MTMR2: variants seen among roughly 807,000 people sequenced by gnomAD.
MTMR2 encodes the protein myotubularin related protein 2, also known as phosphatidylinositol-3,5-bisphosphate 3-phosphatase MTMR2.
Under a neutral mutation model 86.9 loss-of-function variants are expected in MTMR2, and 55 were observed. That is an observed-to-expected ratio of 0.63 (90% CI 0.51 to 0.79). The LOEUF (loss-of-function observed/expected upper bound fraction) is 0.79. MTMR2 is among the 30% of genes least tolerant of loss of function. The probability of loss-of-function intolerance (pLI) is 0.00; values close to 1 mark genes in which losing one functional copy is unlikely to be tolerated. For missense variants in MTMR2, 659 were observed against 772.3 expected (o/e 0.85, Z 1.74); for synonymous variants, 241 against 266.8 (o/e 0.90, Z 0.94).
chr11:95,839,367 C>CT (rs1161959596), intron 12 of MTMR2, among the ~76,000 whole-genome samples: 1 of 152,004 alleles, frequency 6.6e-6, no homozygotes, highest in African/African-American at 2.4e-5. Flanking sequence ...TTTTCACACT[C>CT]TTAACAGCCC....
chr11:95,865,823 G>A, intron 2 of MTMR2, 147 bp from the exon 3 acceptor site: 1 of 697,584 alleles, frequency 1.4e-6, no homozygotes, highest in African/African-American at 1.8e-5. Flanking sequence ...CTGTAGTGTT[G>A]GCATGTATAA....
chr11:95,881,410 A>T (rs57516817), intron 2 of MTMR2, among the ~76,000 whole-genome samples: 1 of 152,054 alleles, frequency 6.6e-6, no homozygotes, highest in East Asian at 1.9e-4. Context: ...AAACTTTTGA[A>T]TTTTTTTGGA....
intron 2 of MTMR2, among the ~76,000 whole-genome samples, chr11:95,868,295 A>C: frequency 7.6e-6 from 1 of 131,710 alleles, no homozygotes; most frequent in Admixed American, 7.6e-5. Flanking sequence ...AAAAAAAAAA[A>C]AAAAAAGAAA....
chr11:95,865,062 T>C (rs992989896), intron 3 of MTMR2, among the ~76,000 whole-genome samples: 1 of 152,144 alleles, frequency 6.6e-6, no homozygotes, highest in African/African-American at 2.4e-5. Context: ...TTCCAGTCCA[T>C]ATTATAAGTA....
intron 7 of MTMR2, among the ~76,000 whole-genome samples, chr11:95,854,230 T>C (rs921151334): frequency 5.3e-5 from 8 of 152,178 alleles, no homozygotes; most frequent in Non-Finnish European, 1.2e-4. Flanking sequence ...CTGACAATTA[T>C]TGATCTTTGG....
At chr11:95,836,385 A>G in intron 13 of MTMR2, 61 bp from the exon 14 acceptor site, 1 of 1,476,424 alleles carries the variant, frequency 6.8e-7, no homozygotes, top group Non-Finnish European at 9.4e-7. Flanking sequence ...ACTTTAGATG[A>G]AATTTGTGAA....
chr11:95,918,122 T>C (rs1275554518), intron 1 of MTMR2, among the ~76,000 whole-genome samples: 1 of 152,232 alleles, frequency 6.6e-6, no homozygotes, highest in Non-Finnish European at 1.5e-5. Context: ...AGTTTTACAG[T>C]ACTTCTAACA....
intron 1 of MTMR2, among the ~76,000 whole-genome samples, chr11:95,902,677 CT>C (rs1866115359): frequency 6.6e-6 from 1 of 152,094 alleles, no homozygotes; most frequent in Non-Finnish European, 1.5e-5. Flanking sequence ...CTTAAAGGGT[CT>C]TTTTACCTTT....
chr11:95,878,473 G>T (rs1249322866), intron 2 of MTMR2, among the ~76,000 whole-genome samples: 1 of 151,844 alleles, frequency 6.6e-6, no homozygotes, highest in Non-Finnish European at 1.5e-5. Context: ...TATCAGTATC[G>T]TTTCATCAGT....
chr11:95,913,801 C>A (rs1438807189), intron 1 of MTMR2, among the ~76,000 whole-genome samples: 1 of 151,882 alleles, frequency 6.6e-6, no homozygotes, highest in East Asian at 1.9e-4. Flanking sequence ...AGGAAGGCGG[C>A]TAACTAACTG....
chr11:95,862,861 G>A (rs1864477277), intron 3 of MTMR2, among the ~76,000 whole-genome samples: 2 of 152,022 alleles, frequency 1.3e-5, no homozygotes, highest in Non-Finnish European at 1.5e-5. Context: ...TAATACTTAT[G>A]GGGAAAATTT....
At chr11:95,891,805 C>T (rs969354891) in intron 1 of MTMR2, among the ~76,000 whole-genome samples, 1 of 151,430 alleles carries the variant, frequency 6.6e-6, no homozygotes, top group Non-Finnish European at 1.5e-5. Context: ...CTTGTGATTA[C>T]GGCAGAAACA....
intron 1 of MTMR2, among the ~76,000 whole-genome samples, chr11:95,911,545 C>T (rs564309037): frequency 1.2e-4 from 18 of 152,212 alleles, no homozygotes; most frequent in Admixed American, 3.3e-4. Context: ...CTCAGCACCC[C>T]GTTTAAGGAG....
chr11:95,878,865 T>G (rs866955902), intron 2 of MTMR2, among the ~76,000 whole-genome samples: 16 of 152,282 alleles, frequency 1.1e-4, no homozygotes, highest in Admixed American at 5.9e-4. Flanking sequence ...CTAAATTTCT[T>G]TCATTTCACC....
chr11:95,875,118 A>G (rs904982667), intron 2 of MTMR2, among the ~76,000 whole-genome samples: 12 of 151,898 alleles, frequency 7.9e-5, no homozygotes, highest in African/African-American at 2.9e-4. Flanking sequence ...CATTCTCTGT[A>G]TTTCCTGAAT....
chr11:95,874,321 G>A (rs1223630831), intron 2 of MTMR2, among the ~76,000 whole-genome samples: 1 of 152,186 alleles, frequency 6.6e-6, no homozygotes, highest in African/African-American at 2.4e-5. Context: ...AGCTCTTCTT[G>A]TTGAATTGAT....
Position 95,858,548 on chromosome 11 carries a change from G to A in MTMR2, c.553C>T (p.Pro185Ser), listed in dbSNP as rs577896427. ...CATTTTACCAGGTTATTAGAGACAGGAAATGCATATTTCATTAGATTCTCA... is the reference window on the plus strand; with the variant it reads ...CATTTTACCAGGTTATTAGAGACAGAAAATGCATATTTCATTAGATTCTCA... ...IFENLMKYAF[P>S]VSNNLPLFAF... is the part of the protein sequence containing the mutation. The change falls in exon 6 of 15, where the codon CCT becomes TCT. Residue 185 changes from proline to serine, a missense_variant. Physicochemically the swap from Pro to Ser is moderately conservative, Grantham distance 74 (BLOSUM62 -1). This residue lies in a region of MTMR2 where 387 missense variants were observed against 526.3 expected (regional missense o/e 0.74). Coordinates refer to ENST00000346299, the MANE Select transcript of MTMR2 (RefSeq NM_016156.6). 1.9e-6 allele frequency: 3 copies of A among 1,610,012 alleles called. No homozygotes were observed. Among genetic ancestry groups the A allele is most frequent in the African/African-American group, 1.3e-5 (1 of 74,916 alleles).
intron 5 of MTMR2, among the ~76,000 whole-genome samples, chr11:95,859,546 T>G (rs1388168974): frequency 6.6e-6 from 1 of 152,196 alleles, no homozygotes; most frequent in Non-Finnish European, 1.5e-5. Context: ...TTGTAGACTT[T>G]TCCTATGTTC....
chr11:95,838,336 C>A, intron 12 of MTMR2, 129 bp from the exon 13 acceptor site: 1 of 673,956 alleles, frequency 1.5e-6, no homozygotes, highest in Non-Finnish European at 2.7e-6. Flanking sequence ...TTATTCCAAG[C>A]CATTATGGCA....
Sources: allele counts gnomAD v4.1 joint callset (sites outside exome capture counted in the v4.1 genomes callset), GRCh38; gene constraint gnomAD v4.1.1; regional missense constraint gnomAD v4.1.1; transcripts MANE v1.5; gene names NCBI Gene and HGNC (gene_info 2026-07-23, HGNC 2026-07-21).